SLC4A10: variants seen among roughly 807,000 people sequenced by gnomAD.
SLC4A10 encodes the protein sodium-driven chloride bicarbonate exchanger.
In SLC4A10, 42 loss-of-function variants were observed where a neutral mutation model predicts 137.7. The ratio of observed to expected loss-of-function variants is 0.30; its 90% CI spans 0.24 to 0.39. The LOEUF (loss-of-function observed/expected upper bound fraction) is 0.39, where lower values mean the gene tolerates loss of function less well. Ranked by LOEUF, SLC4A10 falls within the 10% of genes least tolerant of loss-of-function variation. SLC4A10 has a pLI of 1.00. For synonymous variants in SLC4A10, 474 were observed against 464.1 expected, an observed-to-expected ratio of 1.02 and a Z score of -0.27; for missense variants, 925 against 1,355.0, an observed-to-expected ratio of 0.68 and a Z score of 4.98.
At chr2:161,657,454 G>C (rs1380566773) in intron 1 of SLC4A10, among the ~76,000 whole-genome samples, 1 of 151,886 alleles carries the variant, frequency 6.6e-6, no homozygotes, top group African/African-American at 2.4e-5. Flanking sequence ...TATTAGTTGA[G>C]TAAAGTTATT....
intron 21 of SLC4A10, 52 bp downstream of exon 21, chr2:161,958,607 C>T: frequency 7.4e-7 from 1 of 1,358,758 alleles, no homozygotes; most frequent in Non-Finnish European, 1.0e-6. Flanking sequence ...ACCTTAAGGT[C>T]TACTGATAAG....
At chr2:161,754,672 C>T (rs952897700) in intron 1 of SLC4A10, among the ~76,000 whole-genome samples, 3 of 152,076 alleles carry the variant, frequency 2.0e-5, no homozygotes, top group African/African-American at 4.8e-5. Flanking sequence ...TTTCCTATCC[C>T]CCTTTTCTCC....
intron 1 of SLC4A10, among the ~76,000 whole-genome samples, chr2:161,652,126 C>G (rs1054754952): frequency 6.6e-6 from 1 of 152,150 alleles, no homozygotes; most frequent in Non-Finnish European, 1.5e-5. Flanking sequence ...TAAGTCCAGC[C>G]CATACTCAGG....
At chr2:161,726,927 C>G (rs1465069403) in intron 1 of SLC4A10, among the ~76,000 whole-genome samples, 1 of 152,098 alleles carries the variant, frequency 6.6e-6, no homozygotes, top group Non-Finnish European at 1.5e-5. Context: ...AACAAACAAA[C>G]AAAGAGACTC....
At chr2:161,707,269 C>T (rs189994745) in intron 1 of SLC4A10, among the ~76,000 whole-genome samples, 79 of 151,420 alleles carry the variant, frequency 5.2e-4, no homozygotes, top group Middle Eastern at 6.8e-3. Context: ...TTGGATCAGC[C>T]CAGTTTCTTA....
chr2:161,857,727 T>A (rs538734534), intron 5 of SLC4A10, among the ~76,000 whole-genome samples: 1 of 152,302 alleles, frequency 6.6e-6, no homozygotes, highest in African/African-American at 2.4e-5. Context: ...TTTTTAAGAC[T>A]TCTAACTTTG....
intron 1 of SLC4A10, among the ~76,000 whole-genome samples, chr2:161,678,726 C>A (rs539814244): frequency 1.3e-5 from 2 of 152,202 alleles, no homozygotes; most frequent in African/African-American, 4.8e-5. Flanking sequence ...TATATATGAA[C>A]TCTAGTGTCT....
intron 11 of SLC4A10, among the ~76,000 whole-genome samples, chr2:161,900,167 AATC>A (rs763195933): frequency 4.6e-5 from 7 of 152,068 alleles, no homozygotes; most frequent in African/African-American, 1.2e-4. Flanking sequence ...TTTTTTAAGA[AATC>A]ATATTCACCA....
intron 23 of SLC4A10, among the ~76,000 whole-genome samples, chr2:161,969,938 TA>T (rs1177142725): frequency 6.6e-6 from 1 of 152,176 alleles, no homozygotes; most frequent in African/African-American, 2.4e-5. Flanking sequence ...TCTTCTTCCA[TA>T]AGCAGTGGTT....
intron 1 of SLC4A10, among the ~76,000 whole-genome samples, chr2:161,656,042 G>A (rs545833747): frequency 2.0e-5 from 3 of 151,992 alleles, no homozygotes; most frequent in African/African-American, 4.8e-5. Context: ...TCAAACTCCT[G>A]ACCTCGTGAT....
chr2:161,632,797 G>A (rs903823499), intron 1 of SLC4A10, among the ~76,000 whole-genome samples: 2 of 151,422 alleles, frequency 1.3e-5, no homozygotes, highest in Non-Finnish European at 3.0e-5. Flanking sequence ...GTACATTAAA[G>A]CTTGAGAATT....
At chr2:161,934,053 T>C in intron 15 of SLC4A10, among the ~76,000 whole-genome samples, 1 of 152,184 alleles carries the variant, frequency 6.6e-6, no homozygotes, top group Non-Finnish European at 1.5e-5. Flanking sequence ...TGTGTATATG[T>C]ATGGGGTGCA....
chr2:161,975,285 A>G (rs1167814742), intron 24 of SLC4A10, among the ~76,000 whole-genome samples: 1 of 152,188 alleles, frequency 6.6e-6, no homozygotes, highest in Non-Finnish European at 1.5e-5. Context: ...TATTAGGTAG[A>G]AACCTAGTCT....
chr2:161,645,572 G>A (rs2035919859), intron 1 of SLC4A10, among the ~76,000 whole-genome samples: 1 of 151,910 alleles, frequency 6.6e-6, no homozygotes, highest in African/African-American at 2.4e-5. Context: ...AACTATTACA[G>A]TGGTTTTATA....
intron 21 of SLC4A10, among the ~76,000 whole-genome samples, chr2:161,962,465 C>G (rs946755618): frequency 6.6e-6 from 1 of 152,070 alleles, no homozygotes; most frequent in Non-Finnish European, 1.5e-5. Context: ...TATTTTATTT[C>G]TTTCCTATTC....
intron 2 of SLC4A10, among the ~76,000 whole-genome samples, chr2:161,774,244 G>C (rs753092090): frequency 6.6e-6 from 1 of 151,698 alleles, no homozygotes; most frequent in Non-Finnish European, 1.5e-5. Flanking sequence ...ATTATAAAAT[G>C]GGAAATACAT....
chr2:161,971,985 T>A lies in SLC4A10; in HGVS notation c.3160-2264T>A, dbSNP rs565789792. Among the ~76,000 whole-genome samples, 9 of 152,272 alleles carry A rather than the reference T, an allele frequency of 5.9e-5. No homozygotes were observed. The East Asian group carries it at 1.2e-3, about 20-fold the overall frequency. ...AAATTTTTCCCAAGCTTTGGTCCAA[T>A]TTTTTGCTGTTAGATTGAATCTTGA... On this transcript the variant is annotated intron_variant, in intron 23 of 26. Transcript: ENST00000446997.
At chr2:161,959,166 G>A (rs925192994) in intron 21 of SLC4A10, among the ~76,000 whole-genome samples, 4 of 152,194 alleles carry the variant, frequency 2.6e-5, no homozygotes, top group African/African-American at 9.6e-5. Context: ...ACAATTTGTT[G>A]AGATAGTGAT....
At chr2:161,968,180 G>A (rs1011166404) in intron 23 of SLC4A10, among the ~76,000 whole-genome samples, 2 of 152,154 alleles carry the variant, frequency 1.3e-5, no homozygotes, top group Admixed American at 6.5e-5. Context: ...CTGTGAAACA[G>A]GAGAGAACAA....
Sources: allele counts gnomAD v4.1 joint callset (sites outside exome capture counted in the v4.1 genomes callset), GRCh38; gene constraint gnomAD v4.1.1; transcripts MANE v1.5; gene names NCBI Gene and HGNC (gene_info 2026-07-23, HGNC 2026-07-21).